Variants in ST6GALNAC5 observed in about 807,000 individuals in gnomAD.
The protein encoded by ST6GALNAC5 is ST6 N-acetylgalactosaminide alpha-2,6-sialyltransferase 5, also known as alpha-N-acetylgalactosaminide alpha-2,6-sialyltransferase 5.
ST6GALNAC5 carries 27 observed loss-of-function variants against 33.6 expected under a neutral mutation model. The ratio of observed to expected loss-of-function variants is 0.80; its 90% confidence interval spans 0.59 to 1.11. The LOEUF is 1.11. Ranked by LOEUF, ST6GALNAC5 falls within the 50% of genes least tolerant of loss-of-function variation. ST6GALNAC5 has a pLI of 0.00. For synonymous variants in ST6GALNAC5, 194 were observed against 171.2 expected (o/e 1.13, Z -1.04); for missense variants, 428 against 454.0 (o/e 0.94, Z 0.52).
chr1:76,967,010 T>C (rs939421844), intron 2 of ST6GALNAC5, among the ~76,000 whole-genome samples: 6 of 152,240 alleles, frequency 3.9e-5, no homozygotes, highest in East Asian at 3.8e-4. Context: ...AGTATTTTAT[T>C]GAGGATTTTT....
intron 2 of ST6GALNAC5, among the ~76,000 whole-genome samples, chr1:76,969,103 A>C (rs1240212858): frequency 6.6e-6 from 1 of 152,216 alleles, no homozygotes; most frequent in African/African-American, 2.4e-5. Flanking sequence ...CAGTGTGATC[A>C]ACGCAGAACA....
At chr1:77,043,372 T>C (rs368037979) in intron 2 of ST6GALNAC5, among the ~76,000 whole-genome samples, 1 of 152,238 alleles carries the variant, frequency 6.6e-6, no homozygotes, top group South Asian at 2.1e-4. Context: ...CCATTGGAGT[T>C]GTCTTTGGTG....
chr1:77,017,846 A>T (rs1326687914), intron 2 of ST6GALNAC5, among the ~76,000 whole-genome samples: 3 of 152,242 alleles, frequency 2.0e-5, no homozygotes, highest in Non-Finnish European at 4.4e-5. Flanking sequence ...TAATATGTAA[A>T]GAGACATAAT....
chr1:76,923,280 TG>T (rs900996864), intron 2 of ST6GALNAC5, among the ~76,000 whole-genome samples: 9 of 124,456 alleles, frequency 7.2e-5, no homozygotes, highest in South Asian at 5.1e-4. Flanking sequence ...TATTACCTAA[TG>T]AAAAAAAAAA....
chr1:77,054,356 A>G (rs900492003), intron 4 of ST6GALNAC5, among the ~76,000 whole-genome samples: 1 of 152,212 alleles, frequency 6.6e-6, no homozygotes, highest in Non-Finnish European at 1.5e-5. Flanking sequence ...GAGCCAGGAC[A>G]ACAGGAATAT....
rs531795002 is a variant in ST6GALNAC5 at position 77,032,153 on chromosome 1, G to A, written c.262-12051G>A. Among the ~76,000 whole-genome samples, 14 of 152,216 alleles carry A rather than the reference G, an allele frequency of 9.2e-5. No homozygotes were observed. The East Asian group carries it at 2.3e-3, about 25-fold the overall frequency. On this transcript the variant is annotated intron_variant, in intron 2 of 4. Transcript: ENST00000477717. ...GAGACTTGGGTTCCAGGGGAAGCACGTGCAAAGACCTGAGACCAGACTTTA... is the reference window on the plus strand; with the variant it reads ...GAGACTTGGGTTCCAGGGGAAGCACATGCAAAGACCTGAGACCAGACTTTA...
chr1:76,910,965 C>T (rs1482200532), intron 2 of ST6GALNAC5, among the ~76,000 whole-genome samples: 9 of 152,104 alleles, frequency 5.9e-5, no homozygotes, highest in East Asian at 3.9e-4. Flanking sequence ...CTAACCCTTT[C>T]GCCTCTAGAA....
chr1:76,932,935 T>C (rs938264242), intron 2 of ST6GALNAC5, among the ~76,000 whole-genome samples: 1 of 152,104 alleles, frequency 6.6e-6, no homozygotes, highest in African/African-American at 2.4e-5. Context: ...CAGCTTTGCT[T>C]TCTTCTTCCT....
chr1:76,930,853 T>C (rs1647132905), intron 2 of ST6GALNAC5, among the ~76,000 whole-genome samples: 1 of 152,120 alleles, frequency 6.6e-6, no homozygotes, highest in Non-Finnish European at 1.5e-5. Context: ...ATGAAGCCTA[T>C]ATATAAAGGG....
chr1:76,870,582 T>C (rs767765364), intron 2 of ST6GALNAC5, among the ~76,000 whole-genome samples: 5 of 152,220 alleles, frequency 3.3e-5, no homozygotes, highest in Non-Finnish European at 7.3e-5. Flanking sequence ...TTTCAATTTT[T>C]GTTTATCAGA....
chr1:76,922,313 A>G (rs1355729866), intron 2 of ST6GALNAC5, among the ~76,000 whole-genome samples: 1 of 152,186 alleles, frequency 6.6e-6, no homozygotes, highest in Non-Finnish European at 1.5e-5. Flanking sequence ...AAAAAAATGT[A>G]CAGAATCTGT....
At chr1:76,979,386 G>A (rs1251066724) in intron 2 of ST6GALNAC5, among the ~76,000 whole-genome samples, 1 of 152,090 alleles carries the variant, frequency 6.6e-6, no homozygotes, top group South Asian at 2.1e-4. Context: ...TACACTACAA[G>A]GCTATAGTAA....
rs538939460 is a variant in ST6GALNAC5 at position 77,046,798 on chromosome 1, G to A, written c.671+2185G>A. Among the ~76,000 whole-genome samples, 5 of 152,220 alleles carry A rather than the reference G, an allele frequency of 3.3e-5. No individual in the cohort carries two copies. In the South Asian group the frequency reaches 1.0e-3, roughly 32 times the overall value. On this transcript the variant is annotated intron_variant, in intron 3 of 4. Transcript: ENST00000477717. ...CACTTTTCTCTTTTTTAGTTTAATG[G>A]TTGATTGCTAAATAAGTATTCCTAA...
chr1:76,934,537 C>T (rs1647177662), intron 2 of ST6GALNAC5, among the ~76,000 whole-genome samples: 1 of 152,052 alleles, frequency 6.6e-6, no homozygotes, highest in Non-Finnish European at 1.5e-5. Flanking sequence ...TGCAATTTCA[C>T]ATATTGTCTG....
At chr1:76,883,170 A>G (rs1445417017) in intron 2 of ST6GALNAC5, among the ~76,000 whole-genome samples, 1 of 152,234 alleles carries the variant, frequency 6.6e-6, no homozygotes, top group Non-Finnish European at 1.5e-5. Context: ...ACCCACAGGA[A>G]AATCAGTGGA....
intron 2 of ST6GALNAC5, among the ~76,000 whole-genome samples, chr1:76,975,410 G>A (rs879488305): frequency 3.3e-5 from 5 of 152,134 alleles, no homozygotes; most frequent in Non-Finnish European, 7.4e-5. Context: ...CATATCTGGA[G>A]TAAACTGCAC....
At chr1:76,912,974 G>T (rs1289602354) in intron 2 of ST6GALNAC5, among the ~76,000 whole-genome samples, 11 of 148,828 alleles carry the variant, frequency 7.4e-5, no homozygotes, top group East Asian at 2.0e-4. Context: ...ATGTTAGCTG[G>T]TTATTTTGCT....
intron 2 of ST6GALNAC5, among the ~76,000 whole-genome samples, chr1:77,027,503 C>T (rs954381410): frequency 1.5e-4 from 23 of 152,246 alleles, no homozygotes; most frequent in Non-Finnish European, 3.4e-4. Context: ...CCATTATAAC[C>T]GAGTTGGAGT....
At chr1:76,956,388 C>G (rs1290289066) in intron 2 of ST6GALNAC5, among the ~76,000 whole-genome samples, 2 of 152,140 alleles carry the variant, frequency 1.3e-5, no homozygotes, top group African/African-American at 4.8e-5. Context: ...TATTATTACC[C>G]TCATTTTTCT....
Sources: allele counts gnomAD v4.1 joint callset (sites outside exome capture counted in the v4.1 genomes callset), GRCh38; gene constraint gnomAD v4.1.1; transcripts MANE v1.5; gene names NCBI Gene and HGNC (gene_info 2026-07-23, HGNC 2026-07-21).